PLSCR2: variants seen among roughly 807,000 people sequenced by gnomAD.
PLSCR2 encodes the protein PL scramblase 2.
A neutral mutation model predicts 25.3 loss-of-function variants in PLSCR2; 18 were observed. The ratio of observed to expected loss-of-function variants is 0.71; its 90% CI spans 0.49 to 1.06. PLSCR2 has a LOEUF of 1.06. PLSCR2 is among the 50% of genes least tolerant of loss of function. PLSCR2 has a pLI of 0.00. For synonymous variants in PLSCR2, 88 were observed against 87.3 expected, an observed-to-expected ratio of 1.01 and a Z score of -0.04; for missense variants, 243 against 269.5, an observed-to-expected ratio of 0.90 and a Z score of 0.69.
At chr3:146,478,932 C>A (rs2043030828) in intron 1 of PLSCR2, among the ~76,000 whole-genome samples, 1 of 152,168 alleles carries the variant, frequency 6.6e-6, no homozygotes. Flanking sequence ...AGAGTGGGGG[C>A]CGATATTCAA....
chr3:146,445,709 G>T (rs1013163098), intron 6 of PLSCR2, among the ~76,000 whole-genome samples: 5 of 152,046 alleles, frequency 3.3e-5, no homozygotes, highest in Non-Finnish European at 7.4e-5. Context: ...AAAGTTCTCT[G>T]TTATTATCCC....
intron 1 of PLSCR2, chr3:146,494,548 T>C (rs973645125): frequency 2.0e-5 from 3 of 152,308 alleles, no homozygotes; most frequent in Admixed American, 2.0e-4. Context: ...GACAAACTGG[T>C]GGTCTTCCAG....
chr3:146,435,425 C>T (rs1050841898), intron 8 of PLSCR2, among the ~76,000 whole-genome samples: 4 of 152,178 alleles, frequency 2.6e-5, no homozygotes, highest in African/African-American at 9.7e-5. Context: ...ACATCCTCTC[C>T]AGCATCTGTT....
rs1426361804 is a variant in PLSCR2 at position 146,407,434 on chromosome 3, T to C, written c.101-11513A>G. 2.6e-5 allele frequency among the ~76,000 whole-genome samples: 4 copies of C among 152,246 alleles called. No homozygotes were observed. The South Asian group carries it at 8.3e-4, about 32-fold the overall frequency. ...ATTTGTACCTAGCCCAGTGTGGTTTTACTTCTGTAAAGTCAATTTCCCAGT... is the reference window on the plus strand; with the variant it reads ...ATTTGTACCTAGCCCAGTGTGGTTTCACTTCTGTAAAGTCAATTTCCCAGT... On this transcript the variant is annotated intron_variant and NMD_transcript_variant, in intron 2 of 3. Transcript: ENST00000463633.
chr3:146,427,655 G>A (rs981059566), intron 2 of PLSCR2, among the ~76,000 whole-genome samples: 1 of 152,080 alleles, frequency 6.6e-6, no homozygotes, highest in Non-Finnish European at 1.5e-5. Context: ...CAATTCTCTT[G>A]TGCTGAGCAA....
At chr3:146,455,101 A>G in intron 4 of PLSCR2, 138 bp downstream of exon 4, 1 of 631,428 alleles carries the variant, frequency 1.6e-6, no homozygotes, top group Admixed American at 2.9e-5. Context: ...TCCTTCTTAT[A>G]CAATTGATTT....
At chr3:146,488,987 A>G (rs1323626598) in intron 1 of PLSCR2, among the ~76,000 whole-genome samples, 1 of 152,212 alleles carries the variant, frequency 6.6e-6, no homozygotes, top group Non-Finnish European at 1.5e-5. Context: ...CTACGCAGCC[A>G]TAAAAAGGAA....
chr3:146,486,596 T>C (rs1255862571), intron 1 of PLSCR2, among the ~76,000 whole-genome samples: 2 of 151,804 alleles, frequency 1.3e-5, no homozygotes, highest in Admixed American at 6.6e-5. Context: ...CCTGGACATA[T>C]ACACCATCCC....
At chr3:146,479,588 A>C (rs1027064326) in intron 1 of PLSCR2, among the ~76,000 whole-genome samples, 1 of 152,224 alleles carries the variant, frequency 6.6e-6, no homozygotes, top group African/African-American at 2.4e-5. Context: ...TCATAAAGCA[A>C]GTCCTTAGAG....
At chr3:146,489,775 G>C (rs1426315571) in intron 1 of PLSCR2, among the ~76,000 whole-genome samples, 1 of 152,072 alleles carries the variant, frequency 6.6e-6, no homozygotes, top group African/African-American at 2.4e-5. Context: ...GACCCACCCA[G>C]ATGGTGTGGA....
intron 5 of PLSCR2, among the ~76,000 whole-genome samples, chr3:146,453,731 C>T (rs1298792049): frequency 6.6e-6 from 1 of 152,090 alleles, no homozygotes; most frequent in African/African-American, 2.4e-5. Flanking sequence ...TATAGTGTCA[C>T]CACACAGAAC....
chr3:146,397,440 G>A (rs975597367), intron 2 of PLSCR2, among the ~76,000 whole-genome samples: 2 of 151,826 alleles, frequency 1.3e-5, no homozygotes, highest in Non-Finnish European at 2.9e-5. Context: ...TCTAGTTCTG[G>A]CCCTGTAACT....
At chr3:146,445,072 CATTTTTAA>C (rs2040468975) in intron 6 of PLSCR2, among the ~76,000 whole-genome samples, 1 of 152,026 alleles carries the variant, frequency 6.6e-6, no homozygotes, top group Admixed American at 6.6e-5. Flanking sequence ...TTCATTGTCC[CATTTTTAA>C]ATTTGTTGTT....
At chr3:146,424,042 G>T (rs1334814269) in intron 2 of PLSCR2, among the ~76,000 whole-genome samples, 2 of 151,782 alleles carry the variant, frequency 1.3e-5, no homozygotes, top group Non-Finnish European at 2.9e-5. Flanking sequence ...CAGATGATGG[G>T]TTGATGGGTG....
intron 5 of PLSCR2, among the ~76,000 whole-genome samples, chr3:146,453,127 A>G (rs933149734): frequency 3.3e-5 from 5 of 152,130 alleles, no homozygotes; most frequent in Non-Finnish European, 7.4e-5. Flanking sequence ...TAGAGAAATT[A>G]AAAATCATAT....
chr3:146,469,454 C>T, intron 1 of PLSCR2, 41 bp downstream of exon 1: 1 of 927,394 alleles, frequency 1.1e-6, no homozygotes, highest in Non-Finnish European at 1.3e-6. Flanking sequence ...CAGGCACACC[C>T]CAGTCCCATA....
chr3:146,476,471 CTACTCAGT>C (rs746163066), intron 1 of PLSCR2, among the ~76,000 whole-genome samples: 76 of 152,346 alleles, frequency 5.0e-4, no homozygotes, highest in Non-Finnish European at 8.2e-4. Flanking sequence ...TTCTCAACAG[CTACTCAGT>C]TGGCATCTGC....
chr3:146,443,401 T>C (rs944504205), intron 6 of PLSCR2, among the ~76,000 whole-genome samples: 10 of 152,036 alleles, frequency 6.6e-5, no homozygotes, highest in Non-Finnish European at 1.3e-4. Flanking sequence ...CTTGGGCTTT[T>C]CTTTGCTGGG....
chr3:146,483,509 A>AC (rs1553791539), intron 1 of PLSCR2, among the ~76,000 whole-genome samples: 1 of 127,050 alleles, frequency 7.9e-6, no homozygotes, highest in African/African-American at 3.1e-5. Context: ...ATATATATAT[A>AC]ATGTTACTAC....
Sources: gnomAD v4.1 joint callset for allele counts (sites outside exome capture counted in the v4.1 genomes callset) on GRCh38, gnomAD v4.1.1 for gene constraint, MANE v1.5 for transcripts, NCBI Gene and HGNC (gene_info 2026-07-23, HGNC 2026-07-21) for gene names.